PRICKLE2: variants seen among roughly 807,000 people sequenced by gnomAD.
PRICKLE2 encodes prickle planar cell polarity protein 2, also known as prickle-like protein 2.
Under a neutral mutation model 81.4 loss-of-function variants are expected in PRICKLE2, and 21 were observed. The ratio of observed to expected loss-of-function variants is 0.26; its 90% CI spans 0.18 to 0.37. The LOEUF (loss-of-function observed/expected upper bound fraction) is 0.37. PRICKLE2 is among the 10% of genes least tolerant of loss of function. The pLI, the probability that PRICKLE2 is intolerant of heterozygous loss-of-function variation, is 1.00. For missense variants in PRICKLE2, 940 were observed against 1,109.0 expected (o/e 0.85, Z 2.16); for synonymous variants, 456 against 421.5 (o/e 1.08, Z -1.00).
chr3:64,134,797 T>C (rs1012731864), intron 7 of PRICKLE2, among the ~76,000 whole-genome samples: 2 of 152,170 alleles, frequency 1.3e-5, no homozygotes, highest in African/African-American at 4.8e-5. Flanking sequence ...ACCCATTATT[T>C]GAGTATAAAG....
Position 64,098,553 on chromosome 3 carries a change from C to T in PRICKLE2, c.*498G>A, listed in dbSNP as rs2076602995. 1 of 159,406 alleles carries T rather than the reference C, an allele frequency of 6.3e-6. No homozygotes were observed. The highest frequency in any genetic ancestry group is 1.8e-4 in the South Asian group (1 of 5,700). The allele number at this position is 159,406 out of a possible 1,614,324, so 9.9% of individuals were successfully genotyped here. ...GACAATGGTGGATGTGCATGCAAGT[C>T]CCCACTGAGTCCTACGATATAGAAA... On this transcript the variant is annotated 3_prime_UTR_variant, in exon 8 of 8. Coordinates refer to ENST00000638394, the MANE Select transcript of PRICKLE2 (RefSeq NM_198859.4).
At chr3:64,257,720 G>T (rs192861273) in intron 2 of PRICKLE2, among the ~76,000 whole-genome samples, 1 of 152,264 alleles carries the variant, frequency 6.6e-6, no homozygotes, top group East Asian at 1.9e-4. Context: ...GAGGGCAGTG[G>T]GTGGGCCAGA....
intron 7 of PRICKLE2, among the ~76,000 whole-genome samples, chr3:64,126,601 G>A (rs1017749227): frequency 4.6e-5 from 7 of 151,564 alleles, no homozygotes; most frequent in African/African-American, 1.7e-4. Flanking sequence ...TTTTTTAGAC[G>A]GAGTCTTGCT....
intron 2 of PRICKLE2, among the ~76,000 whole-genome samples, chr3:64,238,307 G>T (rs768993204): frequency 6.6e-6 from 1 of 152,074 alleles, no homozygotes; most frequent in Non-Finnish European, 1.5e-5. Flanking sequence ...GGACAACATG[G>T]TGAAACCTCG....
chr3:64,182,273 G>C (rs2078148989), intron 2 of PRICKLE2, among the ~76,000 whole-genome samples: 1 of 152,102 alleles, frequency 6.6e-6, no homozygotes, highest in African/African-American at 2.4e-5. Flanking sequence ...GATCCTTTGA[G>C]TCCGGGTGTT....
At chr3:64,130,487 G>A (rs2077180399) in intron 7 of PRICKLE2, among the ~76,000 whole-genome samples, 1 of 152,146 alleles carries the variant, frequency 6.6e-6, no homozygotes, top group South Asian at 2.1e-4. Flanking sequence ...CAATTTCTAG[G>A]AGTTTTGGGT....
intron 2 of PRICKLE2, among the ~76,000 whole-genome samples, chr3:64,266,169 C>A (rs549510802): frequency 6.7e-6 from 1 of 149,526 alleles, no homozygotes; most frequent in Admixed American, 6.7e-5. Context: ...GCAGACAGGA[C>A]GTTTAATCAT....
At chr3:64,120,206 A>T (rs2077003719) in intron 7 of PRICKLE2, among the ~76,000 whole-genome samples, 1 of 152,216 alleles carries the variant, frequency 6.6e-6, no homozygotes, top group Non-Finnish European at 1.5e-5. Flanking sequence ...ATCTAAAATA[A>T]AAGTTGAAAT....
chr3:64,231,286 A>T (rs1407554341), intron 2 of PRICKLE2, among the ~76,000 whole-genome samples: 1 of 152,194 alleles, frequency 6.6e-6, no homozygotes, highest in Non-Finnish European at 1.5e-5. Flanking sequence ...AACATTAAAG[A>T]TTGCATCAAT....
chr3:64,221,229 C>G (rs2078946723), intron 1 of PRICKLE2, among the ~76,000 whole-genome samples: 1 of 152,086 alleles, frequency 6.6e-6, no homozygotes, highest in South Asian at 2.1e-4. Context: ...CACACACTCT[C>G]TCCCCTCTCT....
chr3:64,249,620 G>T (rs924879662), intron 2 of PRICKLE2, among the ~76,000 whole-genome samples: 1 of 152,206 alleles, frequency 6.6e-6, no homozygotes, highest in Non-Finnish European at 1.5e-5. Flanking sequence ...CAAAAAAAAT[G>T]ATGTGAAGAC....
At chr3:64,244,735 C>T (rs974158947) in intron 2 of PRICKLE2, among the ~76,000 whole-genome samples, 2 of 151,910 alleles carry the variant, frequency 1.3e-5, no homozygotes, top group Non-Finnish European at 2.9e-5. Flanking sequence ...TTAGCATGAC[C>T]TAGGCTTCAT....
chr3:64,238,518 G>A (rs58800146), intron 2 of PRICKLE2, among the ~76,000 whole-genome samples: 13 of 151,128 alleles, frequency 8.6e-5, no homozygotes, highest in Non-Finnish European at 1.6e-4. Context: ...GAAAAGAAAA[G>A]AAAAGAAAAA....
chr3:64,212,971 G>A (rs187256568), intron 1 of PRICKLE2, among the ~76,000 whole-genome samples: 1 of 152,118 alleles, frequency 6.6e-6, no homozygotes, highest in East Asian at 1.9e-4. Flanking sequence ...ACTTAAAGGT[G>A]TGCTGGACTG....
intron 1 of PRICKLE2, among the ~76,000 whole-genome samples, chr3:64,217,510 A>C (rs545774013): frequency 6.6e-6 from 1 of 152,318 alleles, no homozygotes; most frequent in South Asian, 2.1e-4. Context: ...CGTAAGAACG[A>C]ATAAAATACA....
intron 7 of PRICKLE2, among the ~76,000 whole-genome samples, chr3:64,136,809 A>C (rs1001865351): frequency 1.3e-5 from 2 of 152,178 alleles, no homozygotes; most frequent in Admixed American, 6.5e-5. Context: ...GTCAAAACAG[A>C]ATATTTTGTT....
chr3:64,204,668 A>AAAGC (rs2078649883), intron 1 of PRICKLE2, among the ~76,000 whole-genome samples: 1 of 152,144 alleles, frequency 6.6e-6, no homozygotes, highest in African/African-American at 2.4e-5. Context: ...ATAGTAACTC[A>AAAGC]AAGCCACAAG....
At chr3:64,103,834 G>A (rs555235160) in intron 7 of PRICKLE2, among the ~76,000 whole-genome samples, 33 of 152,118 alleles carry the variant, frequency 2.2e-4, no homozygotes, top group South Asian at 4.2e-4. Context: ...ACAAAAATTA[G>A]CTGGGCATGG....
chr3:64,184,014 C>A (rs773886397), intron 2 of PRICKLE2, among the ~76,000 whole-genome samples: 1 of 152,132 alleles, frequency 6.6e-6, no homozygotes, highest in Admixed American at 6.6e-5. Flanking sequence ...AATATTAAAT[C>A]CAAGGTTTGG....
Sources: gnomAD v4.1 joint callset for allele counts (sites outside exome capture counted in the v4.1 genomes callset) on GRCh38, gnomAD v4.1.1 for gene constraint, MANE v1.5 for transcripts, NCBI Gene and HGNC (gene_info 2026-07-23, HGNC 2026-07-21) for gene names.